The following KCNQ3 variants were observed in gnomAD, a reference collection of about 807,000 sequenced individuals.
KCNQ3 encodes the protein potassium voltage-gated channel subfamily KQT member 3.
In KCNQ3, 30 loss-of-function variants were observed where a neutral mutation model predicts 92.5. That is an observed-to-expected ratio of 0.32 (90% CI 0.24 to 0.44). KCNQ3 has a LOEUF of 0.44. KCNQ3 is among the 20% of genes least tolerant of loss of function. The pLI is 1.00. For missense variants in KCNQ3, 913 were observed against 1,140.3 expected (o/e 0.80, Z 2.87); for synonymous variants, 450 against 468.8 (o/e 0.96, Z 0.52).
intron 1 of KCNQ3, among the ~76,000 whole-genome samples, chr8:132,290,494 T>C (rs1816808176): frequency 6.6e-6 from 1 of 151,950 alleles, no homozygotes; most frequent in African/African-American, 2.4e-5. Context: ...CAGCGTGGAG[T>C]TTCAAATGAA....
chr8:132,365,523 G>A (rs959809229), intron 1 of KCNQ3, among the ~76,000 whole-genome samples: 10 of 152,204 alleles, frequency 6.6e-5, no homozygotes, highest in African/African-American at 2.2e-4. Context: ...AGGGTTTTCA[G>A]GCCGGCTCTG....
At chr8:132,291,359 A>G (rs866593504) in intron 1 of KCNQ3, among the ~76,000 whole-genome samples, 2 of 152,204 alleles carry the variant, frequency 1.3e-5, no homozygotes, top group African/African-American at 2.4e-5. Context: ...GTGATTTTCT[A>G]TCACCAAGAT....
chr8:132,145,705 G>T (rs912635619), intron 9 of KCNQ3, among the ~76,000 whole-genome samples: 1 of 152,210 alleles, frequency 6.6e-6, no homozygotes, highest in African/African-American at 2.4e-5. Flanking sequence ...CACATTCATT[G>T]CTAGAAATCT....
At chr8:132,381,012 G>C (rs960309217) in intron 1 of KCNQ3, among the ~76,000 whole-genome samples, 1 of 151,756 alleles carries the variant, frequency 6.6e-6, no homozygotes. Flanking sequence ...AACAAAGAAG[G>C]GAGGATAGAG....
intron 1 of KCNQ3, among the ~76,000 whole-genome samples, chr8:132,302,893 GT>G (rs1817266094): frequency 1.3e-5 from 2 of 152,204 alleles, no homozygotes; most frequent in South Asian, 4.1e-4. Flanking sequence ...GCAGCTGGCT[GT>G]TTTATAAGCT....
intron 1 of KCNQ3, among the ~76,000 whole-genome samples, chr8:132,205,364 C>A (rs183797872): frequency 6.6e-6 from 1 of 152,340 alleles, no homozygotes; most frequent in African/African-American, 2.4e-5. Context: ...TATTTGCTTG[C>A]GCTATGGATG....
chr8:132,138,098 C>T (rs1825166058), intron 11 of KCNQ3, 82 bp from the exon 12 acceptor site: 1 of 1,506,718 alleles, frequency 6.6e-7, no homozygotes, highest in East Asian at 2.3e-5. Context: ...AACTCCAGGG[C>T]AGGGGGAGAA....
intron 1 of KCNQ3, among the ~76,000 whole-genome samples, chr8:132,284,899 A>G (rs1221877110): frequency 6.6e-6 from 1 of 152,164 alleles, no homozygotes; most frequent in Non-Finnish European, 1.5e-5. Flanking sequence ...TGCCTCTCCT[A>G]TTTTGCTCTC....
At chr8:132,244,820 T>C (rs180855374) in intron 1 of KCNQ3, among the ~76,000 whole-genome samples, 23 of 151,972 alleles carry the variant, frequency 1.5e-4, no homozygotes, top group African/African-American at 5.3e-4. Flanking sequence ...CCATAATTAT[T>C]TACTGGCAGC....
chr8:132,199,948 C>T (rs1374250087), intron 1 of KCNQ3, among the ~76,000 whole-genome samples: 1 of 150,448 alleles, frequency 6.6e-6, no homozygotes, highest in Non-Finnish European at 1.5e-5. Flanking sequence ...GTAAAAGTGC[C>T]TAAAAATTCT....
At chr8:132,147,989 G>T (rs1310208489) in intron 9 of KCNQ3, among the ~76,000 whole-genome samples, 1 of 152,186 alleles carries the variant, frequency 6.6e-6, no homozygotes, top group African/African-American at 2.4e-5. Context: ...AGAGAAAGCA[G>T]ACAGGTAATA....
chr8:132,186,887 T>A (rs1365580786), intron 1 of KCNQ3, among the ~76,000 whole-genome samples: 1 of 148,872 alleles, frequency 6.7e-6, no homozygotes, highest in Non-Finnish European at 1.5e-5. Flanking sequence ...AAGATTGTTA[T>A]CTTTATAAAC....
intron 1 of KCNQ3, among the ~76,000 whole-genome samples, chr8:132,266,073 A>G (rs914984562): frequency 6.6e-6 from 1 of 152,212 alleles, no homozygotes; most frequent in Non-Finnish European, 1.5e-5. Flanking sequence ...GGGGAGTTAA[A>G]TGTAGTACTT....
intron 1 of KCNQ3, among the ~76,000 whole-genome samples, chr8:132,271,131 T>C (rs908981698): frequency 6.6e-6 from 1 of 152,228 alleles, no homozygotes; most frequent in Non-Finnish European, 1.5e-5. Flanking sequence ...ACTGCTGTCA[T>C]GGAGCTCATG....
chr8:132,333,743 T>G (rs1818293189), intron 1 of KCNQ3, among the ~76,000 whole-genome samples: 1 of 152,018 alleles, frequency 6.6e-6, no homozygotes, highest in African/African-American at 2.4e-5. Context: ...CAAATTTTTT[T>G]TTTTTTTTGA....
rs115616151 is a variant in KCNQ3 at position 132,468,179 on chromosome 8, G to A, written c.386+11968C>T. Among the ~76,000 whole-genome samples, 361 of 152,302 alleles carry A rather than the reference G, an allele frequency of 2.4e-3. 3 individuals carry two copies. The highest frequency in any genetic ancestry group is 8.1e-3 in the African/African-American group (337 of 41,566). ...TTCAGATTGGCATTACCAGGGCTTC[G>A]GAGAAGCATCCATAGCTGATACATG... On this transcript the variant is annotated intron_variant, in intron 1 of 14. Transcript: ENST00000388996.
intron 1 of KCNQ3, among the ~76,000 whole-genome samples, chr8:132,249,942 C>T (rs745897571): frequency 1.2e-3 from 179 of 152,318 alleles, no homozygotes; most frequent in Non-Finnish European, 5.1e-4. Flanking sequence ...ACCGGCCGGC[C>T]GCTCCAAGTG....
chr8:132,148,307 C>T (rs1435409904), intron 9 of KCNQ3, among the ~76,000 whole-genome samples: 1 of 152,080 alleles, frequency 6.6e-6, no homozygotes, highest in Non-Finnish European at 1.5e-5. Context: ...TAGCTCTTGG[C>T]TCACTGCAAC....
intron 1 of KCNQ3, among the ~76,000 whole-genome samples, chr8:132,290,032 T>C (rs1347046154): frequency 1.3e-5 from 2 of 152,192 alleles, no homozygotes; most frequent in African/African-American, 2.4e-5. Context: ...TGGTTTTGGG[T>C]ACAGCAGACT....
Sources: allele counts gnomAD v4.1 joint callset (sites outside exome capture counted in the v4.1 genomes callset), GRCh38; gene constraint gnomAD v4.1.1; transcripts MANE v1.5; gene names NCBI Gene and HGNC (gene_info 2026-07-23, HGNC 2026-07-21).